The following PIR variants were observed in gnomAD, a reference collection of about 807,000 sequenced individuals.
PIR encodes the protein pirin (iron-binding nuclear protein).
A neutral mutation model predicts 24.2 loss-of-function variants in PIR; 22 were observed. The ratio of observed to expected loss-of-function variants is 0.91; its 90% CI spans 0.65 to 1.30. The LOEUF (loss-of-function observed/expected upper bound fraction) is 1.30, where lower values mean the gene tolerates loss of function less well. Among genes scored for constraint, PIR ranks in the 50% most tolerant of loss-of-function variants. The pLI, the probability that PIR is intolerant of heterozygous loss-of-function variation, is 0.00. For synonymous variants in PIR, 80 were observed against 79.6 expected, an observed-to-expected ratio of 1.00 and a Z score of -0.03; for missense variants, 220 against 220.3, an observed-to-expected ratio of 1.00 and a Z score of 0.01.
intron 6 of PIR, among the ~76,000 whole-genome samples, chrX:15,414,844 G>GA (rs373697108): frequency 9.1e-6 from 1 of 110,080 alleles, no homozygotes; most frequent in Non-Finnish European, 1.9e-5. Context: ...TGTAAAATAT[G>GA]AAAAAAAATA....
In PIR at chrX:15,483,174, T is replaced by TATATATATATATATATATATATATATAG. The variant is rs955424390; in HGVS notation, c.97-3354_97-3353insCTATATATATATATATATATATATATAT. On this transcript the variant is annotated intron_variant, in intron 2 of 9. Transcript: ENST00000380420. ...AACATATACATTATACATATATATA[T>TATATATATATATATATATATATATATAG]AAATTCAACAAGCTACTGCAAGTTT... 9.1e-3 allele frequency among the ~76,000 whole-genome samples: 897 copies of TATATATATATATATATATATATATATAG among 98,640 alleles called. 10 individuals are homozygous for TATATATATATATATATATATATATATAG. Among genetic ancestry groups the TATATATATATATATATATATATATATAG allele is most frequent in the Middle Eastern group, 0.021 (4 of 193 alleles). 85.7% of individuals were successfully genotyped at this position (98,640 alleles called of 115,157 possible). A position where few individuals can be genotyped will look rare whatever the true frequency, so the allele number is the denominator to read the frequency against.
At chrX:15,487,239 T>C (rs1452267131) in intron 2 of PIR, among the ~76,000 whole-genome samples, 1 of 112,161 alleles carries the variant, frequency 8.9e-6, no homozygotes, top group African/African-American at 3.2e-5. Context: ...AAGCATCATC[T>C]ACAGAGGCTA....
At chrX:15,427,361 G>A (rs1418377617) in intron 5 of PIR, among the ~76,000 whole-genome samples, 2 of 110,745 alleles carry the variant, frequency 1.8e-5, no homozygotes, top group African/African-American at 6.6e-5. Context: ...CTGTGTATAT[G>A]TTATATGTTA....
At chrX:15,389,777 A>AT (rs1352950457) in intron 9 of PIR, among the ~76,000 whole-genome samples, 21 of 111,296 alleles carry the variant, frequency 1.9e-4, no homozygotes, top group Non-Finnish European at 3.2e-4. Context: ...AGAGTTTCAT[A>AT]TTTTTTACTA....
intron 8 of PIR, among the ~76,000 whole-genome samples, chrX:15,393,854 C>A (rs1237091700): frequency 9.5e-6 from 1 of 104,945 alleles, no homozygotes; most frequent in East Asian, 3.0e-4. Flanking sequence ...CGGATGGGAC[C>A]ATCTAGTTGC....
At chrX:15,437,042 C>T (rs994896292) in intron 5 of PIR, among the ~76,000 whole-genome samples, 24 of 111,897 alleles carry the variant, frequency 2.1e-4, no homozygotes, top group Non-Finnish European at 4.1e-4. Context: ...CATTCCCTAA[C>T]TGGAGAGAGA....
intron 5 of PIR, among the ~76,000 whole-genome samples, chrX:15,437,776 C>T (rs1388601225): frequency 8.9e-6 from 1 of 112,456 alleles, no homozygotes; most frequent in Non-Finnish European, 1.9e-5. Flanking sequence ...ACTCTCTAAT[C>T]CAGAGAAACC....
chrX:15,457,493 C>T (rs781531123), intron 4 of PIR, among the ~76,000 whole-genome samples: 2 of 111,824 alleles, frequency 1.8e-5, no homozygotes, highest in African/African-American at 6.5e-5. Context: ...GCTTGTGCTT[C>T]GAAGAATGAC....
intron 6 of PIR, among the ~76,000 whole-genome samples, chrX:15,413,047 ATGTC>A (rs1924796862): frequency 8.9e-6 from 1 of 112,511 alleles, no homozygotes; most frequent in Non-Finnish European, 1.9e-5. Context: ...TTTCTATTGT[ATGTC>A]TGTATAAACA....
Position 15,407,559 on chromosome X carries a change from G to C in PIR, c.566-9C>G. On this transcript the variant is annotated splice_polypyrimidine_tract_variant and intron_variant, in intron 6 of 9. Transcript: ENST00000380420. ...AATGAAGCTTGTCCACCCTGGAAAG[G>C]ACCAGCAACATTAACATGTTAGTGT... The C allele has an allele frequency of 8.5e-7, 1 of 1,177,653 alleles. No individual in the cohort carries two copies. The highest frequency in any genetic ancestry group is 3.0e-5 in the East Asian group (1 of 33,732).
At chrX:15,458,411 C>T (rs186088673) in intron 4 of PIR, among the ~76,000 whole-genome samples, 1,368 of 111,244 alleles carry the variant, frequency 0.012, 26 homozygotes, top group African/African-American at 0.042. Context: ...GAGGCCAAGG[C>T]GGGTGGATCG....
intron 2 of PIR, among the ~76,000 whole-genome samples, 178 bp downstream of exon 2, chrX:15,490,984 C>G (rs752229834): frequency 8.9e-6 from 1 of 111,979 alleles, no homozygotes. Context: ...ATTCACATTA[C>G]AGAAACCCCC....
chrX:15,445,830 T>C (rs1323236779), intron 5 of PIR, among the ~76,000 whole-genome samples: 3 of 77,624 alleles, frequency 3.9e-5, no homozygotes, highest in African/African-American at 1.6e-4. Context: ...CTTTTTTTTT[T>C]TTTTTTTTTT....
intron 8 of PIR, among the ~76,000 whole-genome samples, chrX:15,397,064 C>T (rs757195203): frequency 8.9e-6 from 1 of 112,353 alleles, no homozygotes; most frequent in East Asian, 2.8e-4. Context: ...TTTCAAAGGG[C>T]TCTATGTGAG....
intron 5 of PIR, among the ~76,000 whole-genome samples, chrX:15,439,687 C>T (rs1399036219): frequency 8.9e-6 from 1 of 111,989 alleles, no homozygotes; most frequent in Non-Finnish European, 1.9e-5. Flanking sequence ...ACATTAAATA[C>T]CCTACAAAAA....
At chrX:15,405,403 T>C (rs1924523065) in intron 7 of PIR, among the ~76,000 whole-genome samples, 1 of 112,430 alleles carries the variant, frequency 8.9e-6, no homozygotes, top group Non-Finnish European at 1.9e-5. Flanking sequence ...GCCGCTTCTG[T>C]GAGACACGGG....
intron 7 of PIR, among the ~76,000 whole-genome samples, chrX:15,399,146 G>A (rs1924293453): frequency 8.9e-6 from 1 of 111,883 alleles, no homozygotes; most frequent in African/African-American, 3.3e-5. Context: ...CAAATTGAAT[G>A]AGCAGCCCAT....
chrX:15,464,374 C>CT (rs1921450271), intron 3 of PIR: 37 of 747,649 alleles, frequency 4.9e-5, no homozygotes, highest in Non-Finnish European at 5.5e-5. Flanking sequence ...ATGGAAACAA[C>CT]TTTTTTGTTT....
chrX:15,429,386 T>G (rs1020268533), intron 5 of PIR: 1 of 112,163 alleles, frequency 8.9e-6, no homozygotes, highest in Admixed American at 9.4e-5. Context: ...AAGAGGAAAT[T>G]TTTAATTCAT....
Sources: gnomAD v4.1 joint callset for allele counts (sites outside exome capture counted in the v4.1 genomes callset) on GRCh38, gnomAD v4.1.1 for gene constraint, MANE v1.5 for transcripts, NCBI Gene and HGNC (gene_info 2026-07-23, HGNC 2026-07-21) for gene names.